The following NECAB3 variants were observed in gnomAD, a reference collection of about 807,000 sequenced individuals.
The protein encoded by NECAB3 is N-terminal EF-hand calcium binding protein 3, also known as N-terminal EF-hand calcium-binding protein 3.
A neutral mutation model predicts 57.2 loss-of-function variants in NECAB3; 38 were observed. The ratio of observed to expected loss-of-function variants is 0.66; its 90% CI spans 0.51 to 0.87. The LOEUF (loss-of-function observed/expected upper bound fraction) is 0.87, where lower values mean the gene tolerates loss of function less well. Ranked by LOEUF, NECAB3 falls within the 40% of genes least tolerant of loss-of-function variation. NECAB3 has a pLI of 0.00. For missense variants in NECAB3, 474 were observed against 527.5 expected, an observed-to-expected ratio of 0.90 and a Z score of 0.99; for synonymous variants, 223 against 222.6, an observed-to-expected ratio of 1.00 and a Z score of -0.02.
chr20:33,668,087 C>A, intron 5 of NECAB3: 1 of 1,596,808 alleles, frequency 6.3e-7, no homozygotes, highest in Non-Finnish European at 8.5e-7. Context: ...GCCCTGCGGC[C>A]CCACCTGGTG....
chr20:33,666,622 G>A (rs1317588953), intron 5 of NECAB3: 2 of 152,328 alleles, frequency 1.3e-5, no homozygotes, highest in Non-Finnish European at 2.9e-5. Flanking sequence ...CCTCCCGGGG[G>A]CTTCTTAGGA....
At chr20:33,674,740 A>T (rs2122535638), upstream of NECAB3, 1 of 152,552 alleles carries the variant, frequency 6.6e-6, no homozygotes, top group Admixed American at 6.5e-5. Context: ...ATCTACAAAA[A>T]TGGTACTGGC....
intron 1 of NECAB3, 120 bp downstream of exon 1, chr20:33,674,104 C>T: frequency 1.9e-6 from 2 of 1,060,458 alleles, no homozygotes; most frequent in Non-Finnish European, 2.4e-6. Flanking sequence ...GAGAAAACAG[C>T]AGGGCCAGAG....
Position 33,657,494 on chromosome 20 carries a change from A to T in NECAB3, c.*335T>A, listed in dbSNP as rs1267057652. On this transcript the variant is annotated 3_prime_UTR_variant, in exon 12 of 12. Coordinates refer to ENST00000246190, the MANE Select transcript of NECAB3 (RefSeq NM_031232.4). Reference sequence around the variant, plus strand: ...AAAGCAGGACCCTCGCTAGGCGGCCAGATGGCCTGAGGCCCACCCAGACAG... The same window carrying T: ...AAAGCAGGACCCTCGCTAGGCGGCCTGATGGCCTGAGGCCCACCCAGACAG... 2.9e-6 allele frequency: 1 copy of T among 345,056 alleles called. No homozygotes were observed. Among genetic ancestry groups the T allele is most frequent in the Non-Finnish European group, 5.2e-6 (1 of 193,220 alleles). 21.4% of individuals were successfully genotyped at this position (345,056 alleles called of 1,614,324 possible). A position where few individuals can be genotyped will look rare whatever the true frequency, so the allele number is the denominator to read the frequency against.
chr20:33,663,743 G>A (rs1017910420), intron 5 of NECAB3: 5 of 1,520,066 alleles, frequency 3.3e-6, no homozygotes, highest in Non-Finnish European at 4.4e-6. Context: ...GGCGGGGCCA[G>A]GGCAGCTCTG....
At chr20:33,673,604 T>C (rs950185788) in intron 1 of NECAB3, among the ~76,000 whole-genome samples, 1 of 150,692 alleles carries the variant, frequency 6.6e-6, no homozygotes, top group Non-Finnish European at 1.5e-5. Flanking sequence ...GTGGTCAAGG[T>C]GCTGAGTCAC....
chr20:33,673,286 A>C (rs1188595766), intron 1 of NECAB3, among the ~76,000 whole-genome samples: 1 of 152,154 alleles, frequency 6.6e-6, no homozygotes, highest in African/African-American at 2.4e-5. Flanking sequence ...CATGAACTCC[A>C]GGTCCTGAAC....
rs200755274 is a variant in NECAB3, at chr20:33,668,170, C to G, written c.387+1205G>C. On this transcript the variant is annotated intron_variant, in intron 5 of 11. Transcript: ENST00000246190. ...GGCCTCCCTGCACTCCTTCCAGCGC[C>G]GCTGGATAACTCGGGCCATGTACCA... The G allele has an allele frequency of 1.7e-5, 28 of 1,612,090 alleles. No individual in the cohort carries two copies. Among genetic ancestry groups the G allele is most frequent in the African/African-American group, 1.3e-5 (1 of 74,918 alleles).
At position 33,669,251 on chromosome 20, in the gene NECAB3, G is replaced by A. The variant is rs1452192403; in HGVS notation, c.387+124C>T. 8 of 920,952 alleles carry A rather than the reference G, an allele frequency of 8.7e-6. No homozygotes were observed. In the East Asian group the frequency reaches 2.1e-4, roughly 24 times the overall value. The allele number at this position is 920,952 out of a possible 1,614,324, so 57.0% of individuals were successfully genotyped here. Reference sequence around the variant, plus strand: ...GTCAAGGGGCACAGCTACAAAGTGGGAGCCAGGATTTGAACCCAAGCCCCT... The same window carrying A: ...GTCAAGGGGCACAGCTACAAAGTGGAAGCCAGGATTTGAACCCAAGCCCCT... On this transcript the variant is annotated intron_variant, in intron 5 of 11. Coordinates refer to ENST00000246190, the MANE Select transcript of NECAB3 (RefSeq NM_031232.4).
intron 10 of NECAB3, 113 bp from the exon 11 acceptor site, chr20:33,658,146 CT>C: frequency 3.2e-6 from 3 of 931,826 alleles, no homozygotes; most frequent in Non-Finnish European, 4.8e-6. Flanking sequence ...GTCCTCTCCC[CT>C]GTGACACGGG....
chr20:33,668,333 A>T, intron 5 of NECAB3: 2 of 1,495,084 alleles, frequency 1.3e-6, no homozygotes, highest in Non-Finnish European at 9.0e-7. Flanking sequence ...TGGAGGTTGG[A>T]GCTGACTGGA....
intron 5 of NECAB3, chr20:33,663,661 G>A (rs774872819): frequency 3.2e-6 from 5 of 1,584,426 alleles, no homozygotes; most frequent in South Asian, 1.1e-5. Flanking sequence ...AGCGGGCGAA[G>A]GTAGCGAGCG....
chr20:33,672,341 C>G lies in NECAB3; in HGVS notation c.154+57G>C, dbSNP rs1030018001. 1.9e-6 allele frequency: 3 copies of G among 1,606,572 alleles called. No individual in the cohort carries two copies. In the African/African-American group the frequency reaches 4.0e-5, roughly 21 times the overall value. ...ACCCAACCTCCCAACTCTCCCTGGG[C>G]CTCCTGGATGCCTCCCACCCTGCCC... On this transcript the variant is annotated intron_variant, in intron 2 of 11. Transcript: ENST00000246190.
At chr20:33,659,450 A>G in intron 8 of NECAB3, 47 bp downstream of exon 8, 1 of 1,410,216 alleles carries the variant, frequency 7.1e-7, no homozygotes, top group Non-Finnish European at 9.4e-7. Flanking sequence ...ATTCATGAGC[A>G]CCCCCAGACA....
chr20:33,666,543 T>C (rs2017657190), intron 5 of NECAB3: 1 of 152,302 alleles, frequency 6.6e-6, no homozygotes, highest in Admixed American at 6.5e-5. Context: ...GGAGGCTGCC[T>C]GGGTCCTCAA....
rs1460355308 is a variant in NECAB3, at chr20:33,659,698, G to A, written c.678C>T (p.Leu226=). 6.2e-7 allele frequency: 1 copy of A among 1,606,368 alleles called. No homozygotes were observed. Among genetic ancestry groups the A allele is most frequent in the Non-Finnish European group, 8.5e-7 (1 of 1,178,444 alleles). The change falls in exon 8 of 12, where the codon CTC becomes CTT. Residue 226 remains leucine, a synonymous_variant. Coordinates refer to ENST00000246190, the MANE Select transcript of NECAB3 (RefSeq NM_031232.4). ...RSSEAEMQWR[L]QVNRLQELID... is the part of the protein sequence containing the mutation. The stretch of plus-strand genomic sequence containing the variant: ...TGAGCTCCTGGAGGCGGTTCACCTG[G>A]AGCCGCCACTGCATCTCGGCCTCTG...
chr20:33,668,305 G>A, intron 5 of NECAB3: 1 of 1,518,770 alleles, frequency 6.6e-7, no homozygotes, highest in Non-Finnish European at 8.8e-7. Flanking sequence ...CAAGTGTTTG[G>A]AGCTGGCAGG....
At position 33,659,980 on chromosome 20, in the gene NECAB3, G is replaced by T; in HGVS notation, c.548C>A (p.Ala183Glu). Residue 183 changes from alanine (A) to glutamate (E), a missense_variant, in exon 7 of 12, where the codon GCG (alanine) becomes GAG (glutamate). Physicochemically the swap from Ala to Glu is moderately radical, Grantham distance 107 (BLOSUM62 -1). Coordinates refer to ENST00000246190, the MANE Select transcript of NECAB3 (RefSeq NM_031232.4). ...GWRSDAESVE[A>E]QSRLCGSRRA... Reference sequence around the variant, plus strand: ...CCGGCTGCCGCAGAGCCTGCTCTGCGCCTCCACGCTCTCTGCATCTGACCT... The same window carrying T: ...CCGGCTGCCGCAGAGCCTGCTCTGCTCCTCCACGCTCTCTGCATCTGACCT... 1 of 1,568,678 alleles carries T rather than the reference G, an allele frequency of 6.4e-7. No homozygotes were observed. Among genetic ancestry groups the T allele is most frequent in the Non-Finnish European group, 8.6e-7 (1 of 1,159,824 alleles).
Position 33,657,518 on chromosome 20 carries a change from A to G in NECAB3, c.*311T>C, listed in dbSNP as rs1028116989. 5 of 352,416 alleles carry G rather than the reference A, an allele frequency of 1.4e-5. No homozygotes were observed. Among genetic ancestry groups the G allele is most frequent in the Non-Finnish European group, 2.4e-5 (5 of 208,668 alleles). The allele number at this position is 352,416 out of a possible 1,614,324, so 21.8% of individuals were successfully genotyped here. ...CAGATGGCCTGAGGCCCACCCAGAC[A>G]GGGACGGGACCTGCCCTGGGTCGCT... is the stretch of plus-strand genomic sequence containing the variant. On this transcript the variant is annotated 3_prime_UTR_variant, in exon 12 of 12. Coordinates refer to ENST00000246190, the MANE Select transcript of NECAB3 (RefSeq NM_031232.4).
Sources: allele counts gnomAD v4.1 joint callset (sites outside exome capture counted in the v4.1 genomes callset), GRCh38; gene constraint gnomAD v4.1.1; transcripts MANE v1.5; gene names NCBI Gene and HGNC (gene_info 2026-07-23, HGNC 2026-07-21).